Variants in ROBO1 observed in about 807,000 individuals in gnomAD.
ROBO1 encodes the protein roundabout guidance receptor 1, also known as roundabout homolog 1.
ROBO1 carries 149 observed loss-of-function variants against 195.9 expected under a neutral mutation model. That is an observed-to-expected ratio of 0.76 (90% CI 0.67 to 0.87). The LOEUF (loss-of-function observed/expected upper bound fraction) is 0.87, where lower values mean the gene tolerates loss of function less well. Among genes scored for constraint, ROBO1 ranks in the 40% least tolerant of loss-of-function variants. The pLI, the probability that ROBO1 is intolerant of heterozygous loss-of-function variation, is 0.00. For synonymous variants in ROBO1, 816 were observed against 733.2 expected, an observed-to-expected ratio of 1.11 and a Z score of -1.82; for missense variants, 1,933 against 2,068.3, an observed-to-expected ratio of 0.93 and a Z score of 1.27.
intron 2 of ROBO1, among the ~76,000 whole-genome samples, chr3:79,477,568 AAAC>A (rs1173582325): frequency 1.3e-5 from 2 of 152,180 alleles, no homozygotes; most frequent in African/African-American, 2.4e-5. Flanking sequence ...CAAAAAACAA[AAAC>A]AACAAGTGGG....
chr3:79,706,170 A>T (rs2107192089), intron 1 of ROBO1, among the ~76,000 whole-genome samples: 1 of 152,262 alleles, frequency 6.6e-6, no homozygotes, highest in African/African-American at 2.4e-5. Flanking sequence ...TGCATTAGCT[A>T]GGATTTCAAG....
At chr3:79,314,526 A>G (rs1042884668) in intron 2 of ROBO1, among the ~76,000 whole-genome samples, 3 of 152,144 alleles carry the variant, frequency 2.0e-5, no homozygotes, top group African/African-American at 7.2e-5. Flanking sequence ...GTTTCCTGAG[A>G]CCTGCCCAGC....
At chr3:79,243,200 A>G (rs892166064) in intron 2 of ROBO1, among the ~76,000 whole-genome samples, 6 of 151,980 alleles carry the variant, frequency 3.9e-5, no homozygotes, top group African/African-American at 1.2e-4. Flanking sequence ...TTCATGGTGT[A>G]TATGTGCCAC....
chr3:79,747,430 A>C (rs1703925983), intron 1 of ROBO1, among the ~76,000 whole-genome samples: 1 of 152,064 alleles, frequency 6.6e-6, no homozygotes, highest in Admixed American at 6.5e-5. Context: ...AGAACAATAT[A>C]ATTTGTTTGT....
chr3:79,276,012 A>C (rs73112710), intron 2 of ROBO1, among the ~76,000 whole-genome samples: 1 of 151,904 alleles, frequency 6.6e-6, no homozygotes, highest in African/African-American at 2.4e-5. Context: ...ATGTTCATTG[A>C]CTAAAAGAAT....
At chr3:79,282,484 A>G (rs1657816021) in intron 2 of ROBO1, among the ~76,000 whole-genome samples, 1 of 152,224 alleles carries the variant, frequency 6.6e-6, no homozygotes, top group Non-Finnish European at 1.5e-5. Context: ...CGTGAACAAG[A>G]GAAGTGACAG....
At chr3:79,719,774 A>C (rs1560129453) in intron 1 of ROBO1, among the ~76,000 whole-genome samples, 4 of 152,214 alleles carry the variant, frequency 2.6e-5, no homozygotes, top group Admixed American at 2.6e-4. Context: ...GTGCTCAATG[A>C]ATTTATATTA....
intron 4 of ROBO1, among the ~76,000 whole-genome samples, chr3:78,915,686 T>C (rs2038518330): frequency 6.6e-6 from 1 of 151,646 alleles, no homozygotes; most frequent in Non-Finnish European, 1.5e-5. Context: ...TTTCTTTCTG[T>C]TTTTTTTGAG....
intron 26 of ROBO1, among the ~76,000 whole-genome samples, chr3:78,624,641 GC>G (rs1704650315): frequency 6.6e-6 from 1 of 152,072 alleles, no homozygotes. Flanking sequence ...ACTGAAGAAA[GC>G]TCTGTGGAAC....
chr3:78,865,054 A>T (rs1374461560), intron 4 of ROBO1, among the ~76,000 whole-genome samples: 1 of 152,180 alleles, frequency 6.6e-6, no homozygotes, highest in Non-Finnish European at 1.5e-5. Context: ...AATGTGATAC[A>T]TTATTTGAAT....
At chr3:79,324,612 A>T (rs2034128416) in intron 2 of ROBO1, among the ~76,000 whole-genome samples, 1 of 152,174 alleles carries the variant, frequency 6.6e-6, no homozygotes, top group African/African-American at 2.4e-5. Flanking sequence ...AGACAAAAAA[A>T]GCTTGGAATG....
chr3:79,743,024 A>C (rs1703713949), intron 1 of ROBO1, among the ~76,000 whole-genome samples: 1 of 152,206 alleles, frequency 6.6e-6, no homozygotes, highest in Non-Finnish European at 1.5e-5. Flanking sequence ...ACATATTCCC[A>C]AAAAGTAACT....
intron 2 of ROBO1, among the ~76,000 whole-genome samples, chr3:79,144,070 T>C (rs562704011): frequency 9.2e-5 from 14 of 152,182 alleles, no homozygotes; most frequent in Admixed American, 5.9e-4. Flanking sequence ...AGTTCCATGA[T>C]ATGGATGTAC....
At chr3:79,559,106 G>A (rs1576023161) in intron 2 of ROBO1, among the ~76,000 whole-genome samples, 1 of 152,090 alleles carries the variant, frequency 6.6e-6, no homozygotes, top group South Asian at 2.1e-4. Context: ...ATCAGACCAC[G>A]CCCCAATAAG....
At chr3:79,376,561 G>A (rs2109355202) in intron 2 of ROBO1, among the ~76,000 whole-genome samples, 1 of 152,230 alleles carries the variant, frequency 6.6e-6, no homozygotes, top group East Asian at 1.9e-4. Context: ...TCTTGTGATA[G>A]TGAGTAAGTC....
At chr3:78,599,697 C>T (rs980425805) in intron 30 of ROBO1, among the ~76,000 whole-genome samples, 11 of 152,120 alleles carry the variant, frequency 7.2e-5, no homozygotes, top group Non-Finnish European at 1.6e-4. Context: ...GACAGTTAGC[C>T]AAACCAGCCA....
At chr3:79,666,363 A>T (rs1946475453) in intron 1 of ROBO1, among the ~76,000 whole-genome samples, 1 of 151,956 alleles carries the variant, frequency 6.6e-6, no homozygotes, top group Non-Finnish European at 1.5e-5. Context: ...AATTATTAAC[A>T]ATTGATTAGT....
At chr3:79,342,014 G>A (rs974972436) in intron 2 of ROBO1, among the ~76,000 whole-genome samples, 2 of 152,084 alleles carry the variant, frequency 1.3e-5, no homozygotes, top group Non-Finnish European at 2.9e-5. Context: ...GAAAGAGAGG[G>A]GCTTTCCAAT....
intron 5 of ROBO1, among the ~76,000 whole-genome samples, chr3:78,732,410 A>G (rs971711785): frequency 5.3e-5 from 8 of 152,140 alleles, no homozygotes; most frequent in African/African-American, 1.9e-4. Flanking sequence ...GTCAGCAGAA[A>G]AAAAACAATG....
Sources: allele counts gnomAD v4.1 joint callset (sites outside exome capture counted in the v4.1 genomes callset), GRCh38; gene constraint gnomAD v4.1.1; transcripts MANE v1.5; gene names NCBI Gene and HGNC (gene_info 2026-07-23, HGNC 2026-07-21).